The following KCNA6 variants were observed in gnomAD, a reference collection of about 807,000 sequenced individuals.
KCNA6 encodes human brain potassium channel-2.
KCNA6 carries 17 observed loss-of-function variants against 29.5 expected under a neutral mutation model. That is an observed-to-expected ratio of 0.58 (90% CI 0.39 to 0.86). The LOEUF (loss-of-function observed/expected upper bound fraction) is 0.86. Among genes scored for constraint, KCNA6 ranks in the 40% least tolerant of loss-of-function variants. The pLI, the probability that KCNA6 is intolerant of heterozygous loss-of-function variation, is 0.00. For missense variants in KCNA6, 450 were observed against 703.4 expected, an observed-to-expected ratio of 0.64 and a Z score of 4.07; for synonymous variants, 296 against 304.7, an observed-to-expected ratio of 0.97 and a Z score of 0.30.
At chr12:4,835,336 G>A in the KCNA6 span, among the ~76,000 whole-genome samples, 6 of 152,014 alleles carry the variant, frequency 3.9e-5, no homozygotes, top group South Asian at 2.1e-4. Flanking sequence ...GGGTTTCACC[G>A]TGTTAGCCAG....
At chr12:4,849,618 CA>C in the KCNA6 span, among the ~76,000 whole-genome samples, 1 of 151,222 alleles carries the variant, frequency 6.6e-6, no homozygotes, top group East Asian at 1.9e-4. Context: ...TGTCACCAGG[CA>C]AACTGCTGTC....
the KCNA6 span, among the ~76,000 whole-genome samples, chr12:4,848,469 T>C: frequency 6.7e-6 from 1 of 149,392 alleles, no homozygotes; most frequent in Admixed American, 6.7e-5. Flanking sequence ...CTCTCCTCCG[T>C]AAAATTTTCC....
the KCNA6 span, among the ~76,000 whole-genome samples, chr12:4,842,133 A>G: frequency 6.6e-6 from 1 of 151,860 alleles, no homozygotes; most frequent in African/African-American, 2.4e-5. Context: ...GCCACTGCGC[A>G]TATGTTACTA....
chr12:4,847,938 C>CCTGGAATATTT, the KCNA6 span, among the ~76,000 whole-genome samples: 1 of 152,058 alleles, frequency 6.6e-6, no homozygotes, highest in Non-Finnish European at 1.5e-5. Context: ...GGAAAATATT[C>CCTGGAATATTT]TCCAACTGCC....
chr12:4,848,040 C>A, the KCNA6 span, among the ~76,000 whole-genome samples: 2 of 152,328 alleles, frequency 1.3e-5, no homozygotes, highest in South Asian at 4.1e-4. Context: ...TAACTCCTTG[C>A]TTTCAGTACA....
At chr12:4,841,360 T>A in the KCNA6 span, among the ~76,000 whole-genome samples, 10 of 152,312 alleles carry the variant, frequency 6.6e-5, no homozygotes, top group Non-Finnish European at 1.0e-4. Flanking sequence ...TTTAATCTTA[T>A]TTTTGGCAGT....
chr12:4,821,648 TCA>T, the KCNA6 span, among the ~76,000 whole-genome samples: 1 of 152,062 alleles, frequency 6.6e-6, no homozygotes, highest in Non-Finnish European at 1.5e-5. Flanking sequence ...CTGGAATATT[TCA>T]CACACACACA....
the KCNA6 span, among the ~76,000 whole-genome samples, chr12:4,850,147 G>A: frequency 6.6e-6 from 1 of 152,156 alleles, no homozygotes; most frequent in East Asian, 1.9e-4. This position sits in a 1 kb window ranked among gnomAD's most constrained non-coding sequence, Gnocchi z 5.4. Context: ...GGGTTCAGCC[G>A]GGCCTAGAGG....
chr12:4,840,192 TTATTATC>T, the KCNA6 span, among the ~76,000 whole-genome samples: 1 of 45,628 alleles, frequency 2.2e-5, no homozygotes, highest in South Asian at 9.2e-4. Context: ...TTGATGATGA[TTATTATC>T]TATCTATCTA....
chr12:4,818,393 C>A (rs1265014283), downstream of KCNA6, among the ~76,000 whole-genome samples: 1 of 152,156 alleles, frequency 6.6e-6, no homozygotes, highest in Admixed American at 6.5e-5. Flanking sequence ...TAACATGGGG[C>A]AAGTTATGAA....
chr12:4,830,615 C>G, the KCNA6 span, among the ~76,000 whole-genome samples: 1 of 152,254 alleles, frequency 6.6e-6, no homozygotes, highest in Non-Finnish European at 1.5e-5. Flanking sequence ...AAAATCTCTC[C>G]TCATTCAAAC....
the KCNA6 span, among the ~76,000 whole-genome samples, chr12:4,847,064 G>A: frequency 9.2e-5 from 14 of 151,732 alleles, no homozygotes; most frequent in Non-Finnish European, 1.6e-4. Flanking sequence ...GATTACAGAC[G>A]TGAGCCACCA....
At chr12:4,825,790 A>G in the KCNA6 span, among the ~76,000 whole-genome samples, 1 of 152,244 alleles carries the variant, frequency 6.6e-6, no homozygotes, top group Non-Finnish European at 1.5e-5. Flanking sequence ...GTTTAGAGCT[A>G]CCTTGCTAGG....
chr12:4,844,971 C>A, the KCNA6 span, among the ~76,000 whole-genome samples: 156 of 152,266 alleles, frequency 1.0e-3, no homozygotes, highest in African/African-American at 3.2e-3. This position sits in a 1 kb window ranked among gnomAD's most constrained non-coding sequence, Gnocchi z 4.0. Context: ...AAAAAACCCT[C>A]TAAACATGGT....
At chr12:4,824,608 A>C in the KCNA6 span, among the ~76,000 whole-genome samples, 3 of 152,186 alleles carry the variant, frequency 2.0e-5, no homozygotes, top group African/African-American at 7.2e-5. Flanking sequence ...AACTTCCAGA[A>C]AACTTGGGAA....
At chr12:4,831,467 T>C in the KCNA6 span, among the ~76,000 whole-genome samples, 1 of 152,060 alleles carries the variant, frequency 6.6e-6, no homozygotes, top group Non-Finnish European at 1.5e-5. Context: ...AAACCGTTAG[T>C]CAGGAAAAAA....
At chr12:4,838,781 T>C in the KCNA6 span, among the ~76,000 whole-genome samples, 1 of 151,716 alleles carries the variant, frequency 6.6e-6, no homozygotes, top group South Asian at 2.1e-4. Context: ...TCACTGAGGA[T>C]GCACATGGCC....
Position 4,811,828 on chromosome 12 carries a change from C to G in KCNA6, c.*197C>G. 1.6e-6 allele frequency: 1 copy of G among 623,454 alleles called. No individual in the cohort carries two copies. The highest frequency in any genetic ancestry group is 4.4e-4 in the Middle Eastern group (1 of 2,274). 38.6% of individuals were successfully genotyped at this position (623,454 alleles called of 1,614,324 possible). On this transcript the variant is annotated 3_prime_UTR_variant, in exon 1 of 1. Transcript: ENST00000280684. The surrounding 1 kb of genome is among the most constrained non-coding windows in gnomAD (Gnocchi z 7.1). ...CCTGCAGCATTCAAGGTTAATCCAT[C>G]TAAGTGACATTTTTGAAATTCCAGC...
chr12:4,836,815 C>T, the KCNA6 span, among the ~76,000 whole-genome samples: 10,059 of 152,250 alleles, frequency 0.066, 529 homozygotes, highest in East Asian at 0.25. Context: ...TCTGATATAG[C>T]CAGTTGCAGG....
Sources: allele counts gnomAD v4.1 joint callset (sites outside exome capture counted in the v4.1 genomes callset), GRCh38; gene constraint gnomAD v4.1.1; non-coding constraint Gnocchi (gnomAD v3.1); transcripts MANE v1.5; gene names NCBI Gene and HGNC (gene_info 2026-07-23, HGNC 2026-07-21).